The following SLC37A1 variants were observed in gnomAD, a reference collection of about 807,000 sequenced individuals.
SLC37A1 encodes solute carrier family 37 member 1, also known as glucose-6-phosphate exchanger SLC37A1.
A neutral mutation model predicts 75.3 loss-of-function variants in SLC37A1; 49 were observed. The observed-to-expected ratio is 0.65, with a 90% CI of 0.52 to 0.83. The LOEUF (loss-of-function observed/expected upper bound fraction) is 0.83. Among genes scored for constraint, SLC37A1 ranks in the 40% least tolerant of loss-of-function variants. The pLI is 0.00. For missense variants in SLC37A1, 566 were observed against 695.0 expected, an observed-to-expected ratio of 0.81 and a Z score of 2.09; for synonymous variants, 268 against 292.1, an observed-to-expected ratio of 0.92 and a Z score of 0.84.
chr21:42,518,334 A>C lies in SLC37A1; in HGVS notation c.-121A>C, dbSNP rs1601661130. ...AGACCCAGCAGGACACCTTCTTTCCACGCTTTCCAGCCTGTGGGAGCGGCA... is the reference window on the plus strand; with the variant it reads ...AGACCCAGCAGGACACCTTCTTTCCCCGCTTTCCAGCCTGTGGGAGCGGCA... On this transcript the variant is annotated 5_prime_UTR_variant, in exon 2 of 20. Transcript: ENST00000352133. 3 of 1,305,368 alleles carry C rather than the reference A, an allele frequency of 2.3e-6. No individual in the cohort carries two copies. The highest frequency in any genetic ancestry group is 3.3e-6 in the Non-Finnish European group (3 of 908,460). 80.9% of individuals were successfully genotyped at this position (1,305,368 alleles called of 1,614,324 possible).
chr21:42,508,081 C>G (rs2054400366), intron 2 of SLC37A1, among the ~76,000 whole-genome samples: 1 of 151,676 alleles, frequency 6.6e-6, no homozygotes, highest in Non-Finnish European at 1.5e-5. Context: ...TGATTTAAGC[C>G]ACACAGTTTA....
chr21:42,537,728 C>T (rs535031841), intron 5 of SLC37A1, among the ~76,000 whole-genome samples: 13 of 152,234 alleles, frequency 8.5e-5, no homozygotes, highest in African/African-American at 1.4e-4. Context: ...TGCTTATTTA[C>T]GGTAAAGATA....
At chr21:42,532,774 C>T (rs2055023203) in intron 3 of SLC37A1, among the ~76,000 whole-genome samples, 1 of 152,148 alleles carries the variant, frequency 6.6e-6, no homozygotes, top group Non-Finnish European at 1.5e-5. Flanking sequence ...AATGAAAGCA[C>T]TCTCTTCCTG....
intron 6 of SLC37A1, 72 bp downstream of exon 6, chr21:42,539,719 G>A (rs1480574708): frequency 1.4e-5 from 20 of 1,458,172 alleles, no homozygotes; most frequent in East Asian, 2.5e-5. Flanking sequence ...TTTATGTCAC[G>A]TCACCTCTGT....
chr21:42,503,615 C>G (rs1167328464), intron 2 of SLC37A1, among the ~76,000 whole-genome samples: 50 of 152,128 alleles, frequency 3.3e-4, no homozygotes, highest in Non-Finnish European at 4.4e-5. Context: ...ACTCATGTTT[C>G]TTGGGTGACT....
At chr21:42,533,263 A>G (rs1271855951) in intron 3 of SLC37A1, among the ~76,000 whole-genome samples, 1 of 152,088 alleles carries the variant, frequency 6.6e-6, no homozygotes, top group Non-Finnish European at 1.5e-5. Context: ...CGGGCACTGA[A>G]TGGGCACTCG....
chr21:42,524,562 A>G (rs955562004), intron 2 of SLC37A1, among the ~76,000 whole-genome samples: 1 of 152,240 alleles, frequency 6.6e-6, no homozygotes, highest in African/African-American at 2.4e-5. Flanking sequence ...GAAAAGTTGC[A>G]TAGAAACCAA....
chr21:42,572,734 G>T (rs961798418), intron 17 of SLC37A1, among the ~76,000 whole-genome samples: 1 of 145,712 alleles, frequency 6.9e-6, no homozygotes, highest in Admixed American at 7.0e-5. Flanking sequence ...TTGGCTCTCT[G>T]GGGGGAGGTT....
At chr21:42,539,023 C>G (rs2055209281) in intron 5 of SLC37A1, among the ~76,000 whole-genome samples, 1 of 152,196 alleles carries the variant, frequency 6.6e-6, no homozygotes, top group Non-Finnish European at 1.5e-5. Flanking sequence ...AGCCACTTCC[C>G]CACTGAGCCC....
chr21:42,550,145 T>C lies in SLC37A1; in HGVS notation c.768+3005T>C, dbSNP rs564791367. Among the ~76,000 whole-genome samples, 36 of 152,278 alleles carry C rather than the reference T, an allele frequency of 2.4e-4. 1 individual carries two copies. Among genetic ancestry groups the C allele is most frequent in the African/African-American group, 7.2e-4 (30 of 41,554 alleles). On this transcript the variant is annotated intron_variant, in intron 9 of 19. Transcript: ENST00000352133. ...ACACTTAAAAACCAATGGCAAAGAA[T>C]AGAAAAACAGTAGAGAAAATCAATG...
chr21:42,565,917 T>G, intron 15 of SLC37A1, 42 bp downstream of exon 15: 1 of 1,589,472 alleles, frequency 6.3e-7, no homozygotes, highest in Non-Finnish European at 8.6e-7. Context: ...ACACACGTTT[T>G]TAAAGTTCAC....
intron 1 of SLC37A1, among the ~76,000 whole-genome samples, chr21:42,517,561 C>T (rs2054544893): frequency 6.6e-6 from 1 of 152,208 alleles, no homozygotes; most frequent in Non-Finnish European, 1.5e-5. Context: ...TTGGAGGACG[C>T]AGTGACTCAG....
chr21:42,569,577 T>C (rs2056074805), intron 17 of SLC37A1, among the ~76,000 whole-genome samples: 1 of 146,434 alleles, frequency 6.8e-6, no homozygotes, highest in African/African-American at 2.5e-5. Context: ...CTTGAGTCTT[T>C]GCCCAGATAT....
intron 6 of SLC37A1, among the ~76,000 whole-genome samples, chr21:42,541,178 C>T (rs539759047): frequency 3.8e-4 from 58 of 152,308 alleles, no homozygotes; most frequent in African/African-American, 1.2e-3. Flanking sequence ...GTAGGGTTCG[C>T]GCTCCTATGA....
intron 5 of SLC37A1, among the ~76,000 whole-genome samples, chr21:42,537,201 T>C (rs2055163912): frequency 6.6e-6 from 1 of 152,194 alleles, no homozygotes; most frequent in Non-Finnish European, 1.5e-5. Context: ...TGCCTCCTGC[T>C]GCAGAACTTG....
At chr21:42,542,860 A>G (rs1275499483) in intron 7 of SLC37A1, among the ~76,000 whole-genome samples, 1 of 152,300 alleles carries the variant, frequency 6.6e-6, no homozygotes, top group Non-Finnish European at 1.5e-5. Context: ...CCAAAGTAGC[A>G]GAGCTGGGAC....
At position 42,571,730 on chromosome 21, in the gene SLC37A1, C is replaced by T. The variant is rs541350829; in HGVS notation, c.1424-3088C>T. Among the ~76,000 whole-genome samples the T allele has an allele frequency of 3.2e-4, 49 of 151,924 alleles. No homozygotes were observed. The South Asian group carries it at 1.0e-2, about 31-fold the overall frequency. On this transcript the variant is annotated intron_variant, in intron 17 of 19. Coordinates refer to ENST00000352133, the MANE Select transcript of SLC37A1 (RefSeq NM_001320537.2). ...ATACCAGCCATGCTTCTGCCCTTCA[C>T]TTTCCAGCCAAGAAACAAACTTTAA...
intron 18 of SLC37A1, 81 bp from the exon 19 acceptor site, chr21:42,579,655 C>A: frequency 6.9e-7 from 1 of 1,454,736 alleles, no homozygotes; most frequent in Non-Finnish European, 9.4e-7. Context: ...GCCTTGCGGG[C>A]CAGGTCCTCA....
At chr21:42,559,191 T>TA (rs1423749218) in intron 11 of SLC37A1, 102 bp downstream of exon 11, 1 of 1,439,832 alleles carries the variant, frequency 6.9e-7, no homozygotes, top group African/African-American at 1.4e-5. Flanking sequence ...TCTGTGGTTG[T>TA]AGAACCCGGG....
Sources: allele counts gnomAD v4.1 joint callset (sites outside exome capture counted in the v4.1 genomes callset), GRCh38; gene constraint gnomAD v4.1.1; transcripts MANE v1.5; gene names NCBI Gene and HGNC (gene_info 2026-07-23, HGNC 2026-07-21).